Variants in PIKFYVE observed in about 807,000 individuals in gnomAD.
PIKFYVE encodes phosphoinositide kinase, FYVE-type zinc finger containing.
PIKFYVE carries 122 observed loss-of-function variants against 257.9 expected under a neutral mutation model. That is an observed-to-expected ratio of 0.47 (90% CI 0.41 to 0.55). The LOEUF is 0.55. PIKFYVE is among the 20% of genes least tolerant of loss of function. The pLI, the probability that PIKFYVE is intolerant of heterozygous loss-of-function variation, is 0.00. For synonymous variants in PIKFYVE, 892 were observed against 868.9 expected (o/e 1.03, Z -0.47); for missense variants, 2,160 against 2,536.6 (o/e 0.85, Z 3.19).
chr2:208,302,715 G>A (rs1693844720), intron 10 of PIKFYVE: 1 of 278,490 alleles, frequency 3.6e-6, no homozygotes, highest in Admixed American at 4.9e-5. Flanking sequence ...TTAGAACTGA[G>A]AGTATAAATA....
rs186169602 is a variant in PIKFYVE at position 208,275,492 on chromosome 2, T to A, written c.323-1220T>A. Among the ~76,000 whole-genome samples, 11 of 152,354 alleles carry A rather than the reference T, an allele frequency of 7.2e-5. 1 individual carries two copies. The highest frequency in any genetic ancestry group is 6.5e-4 in the Admixed American group (10 of 15,306). ...GATCATGGGGAGTTGTTTTTTGTTT[T>A]GAGACTCAAGTTTAGTTATTCTAAT... is the stretch of plus-strand genomic sequence containing the variant. On this transcript the variant is annotated intron_variant, in intron 3 of 41. Coordinates refer to ENST00000264380, the MANE Select transcript of PIKFYVE (RefSeq NM_015040.4).
rs1225272775 is a variant in PIKFYVE, at chr2:208,318,071, G to T, written c.2082+130G>T. 6.3e-6 allele frequency: 6 copies of T among 952,306 alleles called. No homozygotes were observed. The African/African-American group carries it at 6.5e-5, about 10-fold the overall frequency. The allele number at this position is 952,306 out of a possible 1,614,324, so 59.0% of individuals were successfully genotyped here. Reference sequence around the variant, plus strand: ...AAAGGCAGCTGTGTCTGCCATAGGGGTGAAATTTGGTTGGTTCAGGGAAGA... The same window carrying T: ...AAAGGCAGCTGTGTCTGCCATAGGGTTGAAATTTGGTTGGTTCAGGGAAGA... On this transcript the variant is annotated intron_variant, in intron 16 of 41. Coordinates refer to ENST00000264380, the MANE Select transcript of PIKFYVE (RefSeq NM_015040.4).
At chr2:208,328,387 A>G in intron 21 of PIKFYVE, 107 bp downstream of exon 21, 1 of 1,298,682 alleles carries the variant, frequency 7.7e-7, no homozygotes, top group Non-Finnish European at 1.1e-6. Context: ...TTAGGTACAC[A>G]GCACACTGCT....
Position 208,339,995 on chromosome 2 carries a change from C to T in PIKFYVE, c.4811-16C>T. 1 of 1,611,054 alleles carries T rather than the reference C, an allele frequency of 6.2e-7. No homozygotes were observed. Among genetic ancestry groups the T allele is most frequent in the Non-Finnish European group, 8.5e-7 (1 of 1,177,262 alleles). On this transcript the variant is annotated splice_polypyrimidine_tract_variant and intron_variant, in intron 30 of 41. Coordinates refer to ENST00000264380, the MANE Select transcript of PIKFYVE (RefSeq NM_015040.4). ...CTGTGAATATTAATATATAAGTAGA[C>T]TATTTTTCATTTTAGATGTGTTTGA...
intron 7 of PIKFYVE, among the ~76,000 whole-genome samples, chr2:208,297,679 C>T (rs1324207862): frequency 6.6e-6 from 1 of 152,040 alleles, no homozygotes; most frequent in Non-Finnish European, 1.5e-5. Context: ...ACAGATACTG[C>T]CCTAATGAAT....
intron 12 of PIKFYVE, among the ~76,000 whole-genome samples, chr2:208,305,793 T>C (rs1438915443): frequency 6.6e-6 from 1 of 152,138 alleles, no homozygotes; most frequent in Non-Finnish European, 1.5e-5. Context: ...AGTGAATAAA[T>C]AAAAAATACA....
At chr2:208,342,737 A>G in intron 32 of PIKFYVE, 88 bp downstream of exon 32, 1 of 1,071,114 alleles carries the variant, frequency 9.3e-7, no homozygotes, top group South Asian at 1.3e-5. Context: ...CTTTCACATA[A>G]AGCAAAATGA....
At chr2:208,295,697 C>T (rs2125267586) in intron 7 of PIKFYVE, among the ~76,000 whole-genome samples, 1 of 152,248 alleles carries the variant, frequency 6.6e-6, no homozygotes, top group South Asian at 2.1e-4. Flanking sequence ...AAGTTTATCC[C>T]ATTGGTGTTG....
In PIKFYVE at chr2:208,294,264, CTTCT is replaced by C. The variant is rs377053221; in HGVS notation, c.912-4371_912-4368del. ...TTTGATCTCTTGCATTTCCTTTTTG[CTTCT>C]TTCTTAGAATATCCATCTCTCTGCT... On this transcript the variant is annotated intron_variant, in intron 7 of 41. Coordinates refer to ENST00000264380, the MANE Select transcript of PIKFYVE (RefSeq NM_015040.4). 4.5e-4 allele frequency among the ~76,000 whole-genome samples: 68 copies of C among 152,206 alleles called. 1 individual carries two copies. The South Asian group carries it at 9.1e-3, about 20-fold the overall frequency.
chr2:208,338,619 T>G lies in PIKFYVE; in HGVS notation c.4672+51T>G, dbSNP rs751347503. ...TTGCCGTAGGATTTAAAGAAATTTC[T>G]TATTGTATAAGTTGTTTTAAACTGT... On this transcript the variant is annotated intron_variant, in intron 29 of 41. Transcript: ENST00000264380. 1.9e-6 allele frequency: 3 copies of G among 1,555,592 alleles called. No individual in the cohort carries two copies. The South Asian group carries it at 3.3e-5, about 17-fold the overall frequency.
At chr2:208,267,800 C>CG (rs34410136) in intron 1 of PIKFYVE, among the ~76,000 whole-genome samples, 1 of 151,776 alleles carries the variant, frequency 6.6e-6, no homozygotes, top group East Asian at 1.9e-4. Flanking sequence ...AGCCACCGGG[C>CG]GGGGGTCTCC....
chr2:208,312,351 A>G lies in PIKFYVE; in HGVS notation c.1696+56A>G. ...GTGTCTCTTTTTTTCATGAGGATAT[A>G]CTTAGGGCTTAGCACATTGATTAGC... On this transcript the variant is annotated intron_variant, in intron 13 of 41. Transcript: ENST00000264380. The G allele has an allele frequency of 4.4e-6, 6 of 1,369,842 alleles. No homozygotes were observed. In the South Asian group the frequency reaches 6.1e-5, roughly 14 times the overall value. The allele number at this position is 1,369,842 out of a possible 1,614,324, so 84.9% of individuals were successfully genotyped here.
At chr2:208,342,687 T>G (rs1400317847) in intron 32 of PIKFYVE, 38 bp downstream of exon 32, 1 of 1,445,086 alleles carries the variant, frequency 6.9e-7, no homozygotes, top group South Asian at 1.1e-5. Flanking sequence ...ATGATATCTA[T>G]GTATTTTATG....
rs141823535 is a variant in PIKFYVE at position 208,275,992 on chromosome 2, A to C, written c.323-720A>C. ...AGGCTGGAATTTGGGCTTATTAGTG[A>C]TAGATTTGGCTTCAGTATTGCTATG... On this transcript the variant is annotated intron_variant, in intron 3 of 41. Transcript: ENST00000264380. Among the ~76,000 whole-genome samples, 695 of 152,340 alleles carry C rather than the reference A, an allele frequency of 4.6e-3. 6 individuals carry two copies. The highest frequency in any genetic ancestry group is 0.016 in the African/African-American group (647 of 41,574).
chr2:208,276,368 G>A (rs1454483298), intron 3 of PIKFYVE, among the ~76,000 whole-genome samples: 9 of 152,076 alleles, frequency 5.9e-5, no homozygotes, highest in Admixed American at 4.6e-4. Context: ...TTTCTAGCAT[G>A]CATTTATTAT....
At position 208,273,717 on chromosome 2, in the gene PIKFYVE, G is replaced by A. The variant is rs1051620073; in HGVS notation, c.306G>A (p.Arg102=). 3.7e-6 allele frequency: 6 copies of A among 1,614,036 alleles called. No individual in the cohort carries two copies. Among genetic ancestry groups the A allele is most frequent in the African/African-American group, 1.3e-5 (1 of 74,920 alleles). The change falls in exon 3 of 42, where the codon CGG becomes CGA. Residue 102 remains arginine (R), a synonymous_variant. Coordinates refer to ENST00000264380, the MANE Select transcript of PIKFYVE (RefSeq NM_015040.4). ...YKKQLNEELQ[R]RSSALDTRRK... ...AGCAGCTTAATGAGGAACTCCAGCG[G>A]CGCTCTTCAGCATTAGGTAAAACAG...
rs553391235 is a variant in PIKFYVE at position 208,267,036 on chromosome 2, CCAAT to C, written c.-10+624_-10+627del. Among the ~76,000 whole-genome samples the C allele has an allele frequency of 2.1e-3, 318 of 152,160 alleles. 2 individuals are homozygous for C. The highest frequency in any genetic ancestry group is 7.3e-3 in the African/African-American group (302 of 41,494). On this transcript the variant is annotated intron_variant, in intron 1 of 41. Transcript: ENST00000264380. ...CTTTTAGGACTTAGGGGTTTTCTGC[CCAAT>C]CAGAGGTTATTCCTAAGACAGTCAA...
intron 5 of PIKFYVE, among the ~76,000 whole-genome samples, chr2:208,284,557 G>A (rs1007752578): frequency 1.3e-5 from 2 of 151,916 alleles, no homozygotes; most frequent in Admixed American, 1.3e-4. Flanking sequence ...CACCGTGCCC[G>A]GCCTTAACTT....
Position 208,353,556 on chromosome 2 carries a change from T to TA in PIKFYVE, c.5845-340dup, listed in dbSNP as rs34903048. 4.0e-4 allele frequency among the ~76,000 whole-genome samples: 61 copies of TA among 152,244 alleles called. 1 individual carries two copies. Among genetic ancestry groups the TA allele is most frequent in the South Asian group, 1.7e-3 (8 of 4,822 alleles). The stretch of plus-strand genomic sequence containing the variant: ...ATTTGCATCTCTCTCTTTTTTTTTT[T>TA]AACACTGTTTTGTGATCCAATGATG... On this transcript the variant is annotated intron_variant, in intron 39 of 41. Transcript: ENST00000264380.
Sources: gnomAD v4.1 joint callset for allele counts (sites outside exome capture counted in the v4.1 genomes callset) on GRCh38, gnomAD v4.1.1 for gene constraint, MANE v1.5 for transcripts, NCBI Gene and HGNC (gene_info 2026-07-23, HGNC 2026-07-21) for gene names.